The following PPM1L variants were observed in gnomAD, a reference collection of about 807,000 sequenced individuals.
The protein encoded by PPM1L is protein phosphatase, Mg2+/Mn2+ dependent 1L.
Under a neutral mutation model 31.4 loss-of-function variants are expected in PPM1L, and 13 were observed. The observed-to-expected ratio is 0.41, with a 90% CI of 0.27 to 0.66. The LOEUF is 0.66. Ranked by LOEUF, PPM1L falls within the 30% of genes least tolerant of loss-of-function variation. PPM1L has a pLI of 0.29. For missense variants in PPM1L, 326 were observed against 453.7 expected, an observed-to-expected ratio of 0.72 and a Z score of 2.56; for synonymous variants, 184 against 175.4, an observed-to-expected ratio of 1.05 and a Z score of -0.39.
chr3:161,001,327 G>A (rs1717473127), intron 2 of PPM1L, among the ~76,000 whole-genome samples: 1 of 152,218 alleles, frequency 6.6e-6, no homozygotes, highest in South Asian at 2.1e-4. Flanking sequence ...CTGTCGCCAG[G>A]CTGGAGTACA....
chr3:160,925,818 G>A (rs1214557438), intron 1 of PPM1L, among the ~76,000 whole-genome samples: 1 of 152,164 alleles, frequency 6.6e-6, no homozygotes, highest in Admixed American at 6.5e-5. Context: ...ATTAGGGGTA[G>A]GGCCAGAGAA....
intron 1 of PPM1L, chr3:160,882,137 A>G (rs750012372): frequency 2.0e-5 from 3 of 152,190 alleles, no homozygotes; most frequent in Admixed American, 6.5e-5. Flanking sequence ...GTTGTTGAAT[A>G]TCACTTAAAA....
chr3:160,957,190 A>T (rs926146056), intron 1 of PPM1L, among the ~76,000 whole-genome samples: 2 of 152,214 alleles, frequency 1.3e-5, no homozygotes, highest in African/African-American at 4.8e-5. Flanking sequence ...TTTGCTAAGG[A>T]TAATGGCCTC....
intron 1 of PPM1L, among the ~76,000 whole-genome samples, chr3:160,779,679 T>A (rs2108065873): frequency 6.6e-6 from 1 of 151,970 alleles, no homozygotes; most frequent in South Asian, 2.1e-4. Flanking sequence ...CCCACCATTA[T>A]GCCCTGATAA....
chr3:160,813,668 T>A (rs1337204917), intron 1 of PPM1L, among the ~76,000 whole-genome samples: 4 of 152,134 alleles, frequency 2.6e-5, no homozygotes, highest in Admixed American at 2.0e-4. Flanking sequence ...AGATAAAATT[T>A]AAAAAAATTA....
At chr3:160,954,580 T>C (rs998009180) in intron 1 of PPM1L, among the ~76,000 whole-genome samples, 2 of 152,038 alleles carry the variant, frequency 1.3e-5, no homozygotes, top group Non-Finnish European at 2.9e-5. Flanking sequence ...CCCAGGCTGG[T>C]CTTGATCTCC....
chr3:160,983,915 T>C (rs1716881892), intron 2 of PPM1L, among the ~76,000 whole-genome samples: 1 of 152,050 alleles, frequency 6.6e-6, no homozygotes, highest in African/African-American at 2.4e-5. Flanking sequence ...AGTGTACGAA[T>C]AGGGTGTGGG....
intron 1 of PPM1L, among the ~76,000 whole-genome samples, chr3:160,776,781 A>G (rs942215387): frequency 1.3e-5 from 2 of 151,730 alleles, no homozygotes; most frequent in African/African-American, 2.4e-5. Flanking sequence ...TTGTATTTTT[A>G]GTAGAGACAG....
chr3:160,962,833 C>T (rs949584898), intron 2 of PPM1L, among the ~76,000 whole-genome samples: 14 of 151,962 alleles, frequency 9.2e-5, no homozygotes, highest in African/African-American at 3.4e-4. Flanking sequence ...ACTACATTCA[C>T]CTAACCACTT....
At chr3:160,912,121 G>A (rs1713994616) in intron 1 of PPM1L, among the ~76,000 whole-genome samples, 1 of 152,134 alleles carries the variant, frequency 6.6e-6, no homozygotes, top group Admixed American at 6.5e-5. Flanking sequence ...GTTTTGATGA[G>A]GTTAGAATCA....
At chr3:161,015,557 C>T (rs1718058446) in intron 2 of PPM1L, among the ~76,000 whole-genome samples, 1 of 152,184 alleles carries the variant, frequency 6.6e-6, no homozygotes, top group South Asian at 2.1e-4. Flanking sequence ...CCACCTGGGA[C>T]CTGTTTCCAG....
At chr3:160,998,253 G>T (rs778653) in intron 2 of PPM1L, among the ~76,000 whole-genome samples, 88,201 of 151,928 alleles carry the variant, frequency 0.58, 26,919 homozygotes, top group East Asian at 0.92. Flanking sequence ...TATAACAGGA[G>T]TTCACCTGGG....
intron 2 of PPM1L, among the ~76,000 whole-genome samples, chr3:161,009,752 G>A (rs1576780414): frequency 6.6e-6 from 1 of 152,092 alleles, no homozygotes; most frequent in Non-Finnish European, 1.5e-5. Flanking sequence ...ATTTAACTAG[G>A]AAGTGATAAA....
At chr3:161,055,885 T>C (rs1169342000) in intron 2 of PPM1L, among the ~76,000 whole-genome samples, 3 of 152,166 alleles carry the variant, frequency 2.0e-5, no homozygotes, top group Non-Finnish European at 2.9e-5. Context: ...TCTGGCATTG[T>C]GTGGGTGAGT....
chr3:160,853,450 A>G (rs1448930866), intron 1 of PPM1L, among the ~76,000 whole-genome samples: 2 of 152,166 alleles, frequency 1.3e-5, no homozygotes, highest in Non-Finnish European at 2.9e-5. Context: ...CTTTCCCAGT[A>G]ATCAACCTAC....
chr3:160,786,207 A>ATT lies in PPM1L; in HGVS notation c.399+29527_399+29528dup, dbSNP rs35386910. On this transcript the variant is annotated intron_variant, in intron 1 of 3. Transcript: ENST00000498165. ...TGTGTGTATATATATATATATATAT[A>ATT]TTTTTTTTTTTTTTTTTTTTTTTTT... is the stretch of plus-strand genomic sequence containing the variant. 2.4e-3 allele frequency among the ~76,000 whole-genome samples: 73 copies of ATT among 30,876 alleles called. 2 individuals are homozygous for ATT. Among genetic ancestry groups the ATT allele is most frequent in the Middle Eastern group, 0.036 (1 of 28 alleles). 20.3% of individuals were successfully genotyped at this position (30,876 alleles called of 152,430 possible).
At chr3:160,948,267 G>C (rs1293762160) in intron 1 of PPM1L, among the ~76,000 whole-genome samples, 1 of 152,120 alleles carries the variant, frequency 6.6e-6, no homozygotes, top group Non-Finnish European at 1.5e-5. Flanking sequence ...ACACAAGCAG[G>C]TGCAGTCACT....
At chr3:161,034,108 G>T (rs1186039687) in intron 2 of PPM1L, among the ~76,000 whole-genome samples, 2 of 152,134 alleles carry the variant, frequency 1.3e-5, no homozygotes, top group South Asian at 2.1e-4. Context: ...CATCATCACT[G>T]GTCATTAGAG....
At chr3:160,808,419 G>GTT (rs1322274385) in intron 1 of PPM1L, among the ~76,000 whole-genome samples, 1 of 150,544 alleles carries the variant, frequency 6.6e-6, no homozygotes, top group African/African-American at 2.5e-5. Flanking sequence ...GTGTGTGTGT[G>GTT]TGTGGTGGGT....
Sources: allele counts gnomAD v4.1 joint callset (sites outside exome capture counted in the v4.1 genomes callset), GRCh38; gene constraint gnomAD v4.1.1; transcripts MANE v1.5; gene names NCBI Gene and HGNC (gene_info 2026-07-23, HGNC 2026-07-21).